Variants in KANK1 observed in about 807,000 individuals in gnomAD.
KANK1 encodes the protein KN motif and ankyrin repeat domains 1.
A neutral mutation model predicts 106.2 loss-of-function variants in KANK1; 109 were observed. That is an observed-to-expected ratio of 1.03 (90% CI 0.88 to 1.20). The LOEUF is 1.20. Among genes scored for constraint, KANK1 ranks in the 50% most tolerant of loss-of-function variants. KANK1 has a pLI of 0.00. For synonymous variants in KANK1, 873 were observed against 652.2 expected (o/e 1.34, Z -5.16); for missense variants, 2,399 against 1,710.7 (o/e 1.40, Z -7.10).
intron 1 of KANK1, among the ~76,000 whole-genome samples, chr9:518,416 A>ACTT (rs1484338841): frequency 1.3e-5 from 2 of 151,334 alleles, no homozygotes; most frequent in Non-Finnish European, 2.9e-5. Flanking sequence ...GGCAGTTTTT[A>ACTT]CTTTACCGTT....
chr9:611,051 C>G (rs1830434286), intron 1 of KANK1, among the ~76,000 whole-genome samples: 1 of 152,168 alleles, frequency 6.6e-6, no homozygotes, highest in Non-Finnish European at 1.5e-5. Flanking sequence ...CTTTATTACT[C>G]TGGCATTATT....
intron 1 of KANK1, among the ~76,000 whole-genome samples, chr9:671,301 G>A (rs530403453): frequency 6.6e-6 from 1 of 151,702 alleles, no homozygotes; most frequent in African/African-American, 2.4e-5. Context: ...TTCATATAAA[G>A]AACAAGGTTG....
At chr9:676,327 G>A (rs994688907) in intron 1 of KANK1, among the ~76,000 whole-genome samples, 2 of 152,180 alleles carry the variant, frequency 1.3e-5, no homozygotes, top group Non-Finnish European at 2.9e-5. Flanking sequence ...GGGAGATAAT[G>A]AATTTTTGTT....
chr9:655,953 G>A (rs1842048235), intron 1 of KANK1, among the ~76,000 whole-genome samples: 1 of 152,186 alleles, frequency 6.6e-6, no homozygotes, highest in African/African-American at 2.4e-5. Flanking sequence ...GGAGTTTGAG[G>A]ATCTTGCCTT....
At chr9:689,828 G>T (rs1044657080) in intron 2 of KANK1, among the ~76,000 whole-genome samples, 1 of 152,018 alleles carries the variant, frequency 6.6e-6, no homozygotes, top group Admixed American at 6.6e-5. Context: ...CTCAGCGTGG[G>T]GTAGCAGAGC....
At chr9:501,631 CA>C (rs2058554782), upstream of KANK1, among the ~76,000 whole-genome samples, 1 of 151,922 alleles carries the variant, frequency 6.6e-6, no homozygotes, top group African/African-American at 2.4e-5. Flanking sequence ...CACACACACA[CA>C]CACACACACC....
intron 1 of KANK1, among the ~76,000 whole-genome samples, chr9:637,088 A>T (rs1343058662): frequency 1.3e-5 from 2 of 152,102 alleles, no homozygotes; most frequent in Non-Finnish European, 2.9e-5. Context: ...TTTCTACTTT[A>T]TTCCACTCCT....
chr9:673,197 C>CTTT (rs1563964937), intron 1 of KANK1, among the ~76,000 whole-genome samples: 6 of 114,800 alleles, frequency 5.2e-5, no homozygotes, highest in East Asian at 2.6e-4. Context: ...GTGACAGTGT[C>CTTT]TTCTTTTTTT....
chr9:611,814 G>A (rs1032395504), intron 1 of KANK1, among the ~76,000 whole-genome samples: 2 of 152,150 alleles, frequency 1.3e-5, no homozygotes, highest in Non-Finnish European at 2.9e-5. Flanking sequence ...CGCCTCCCGG[G>A]TTCAACCGAT....
chr9:731,460 T>C (rs1231843451), intron 5 of KANK1, 194 bp downstream of exon 5: 5 of 458,086 alleles, frequency 1.1e-5, no homozygotes, highest in African/African-American at 1.0e-4. Context: ...TTTGTCACTC[T>C]CTTAAGGATA....
chr9:634,255 C>G (rs769844007), intron 1 of KANK1, among the ~76,000 whole-genome samples: 16 of 152,144 alleles, frequency 1.1e-4, no homozygotes, highest in Admixed American at 5.2e-4. Context: ...GGAATGGGTG[C>G]TGCTGATTGG....
Position 600,293 on chromosome 9 carries a change from C to CT in KANK1, c.-83-76592dup, listed in dbSNP as rs1434676365. ...ATAAGTGGAATCACACGCTGTCTGT[C>CT]TTTTTGTGGCTGGCTTATTTTACCC... On this transcript the variant is annotated intron_variant, in intron 1 of 11. Transcript: ENST00000382297. 4.6e-5 allele frequency among the ~76,000 whole-genome samples: 7 copies of CT among 151,788 alleles called. No homozygotes were observed. The East Asian group carries it at 1.2e-3, about 25-fold the overall frequency.
At chr9:689,709 A>G (rs1203391314) in intron 2 of KANK1, among the ~76,000 whole-genome samples, 1 of 149,348 alleles carries the variant, frequency 6.7e-6, no homozygotes, top group African/African-American at 2.5e-5. Flanking sequence ...TGTAGGTCTC[A>G]CACCCATCCC....
intron 3 of KANK1, among the ~76,000 whole-genome samples, chr9:718,814 T>G (rs1422684103): frequency 6.6e-6 from 1 of 152,166 alleles, no homozygotes; most frequent in East Asian, 1.9e-4. Context: ...ATATTTGTCC[T>G]TTCTCCTCTA....
intron 2 of KANK1, among the ~76,000 whole-genome samples, chr9:682,904 A>T (rs115007849): frequency 1.3e-5 from 2 of 152,072 alleles, no homozygotes; most frequent in African/African-American, 4.8e-5. Flanking sequence ...AGTGCGGTGC[A>T]CCCCACTCTC....
At chr9:663,126 C>A (rs1370922483) in intron 1 of KANK1, among the ~76,000 whole-genome samples, 1 of 152,132 alleles carries the variant, frequency 6.6e-6, no homozygotes, top group South Asian at 2.1e-4. Flanking sequence ...AGAATCCAAT[C>A]TCAGTGGAAT....
intron 1 of KANK1, among the ~76,000 whole-genome samples, chr9:524,245 C>T (rs1304839600): frequency 1.3e-5 from 2 of 151,660 alleles, no homozygotes; most frequent in African/African-American, 4.9e-5. Flanking sequence ...TACAACCCTT[C>T]CCTTCCTTTC....
At position 732,055 on chromosome 9, in the gene KANK1, G is replaced by A. The variant is rs73374879; in HGVS notation, c.3006-323G>A. 0.02 allele frequency: 3,973 copies of A among 198,854 alleles called. 169 individuals carry two copies. The highest frequency in any genetic ancestry group is 0.088 in the African/African-American group (3,727 of 42,578). The allele number at this position is 198,854 out of a possible 1,614,324, so 12.3% of individuals were successfully genotyped here. ...GATGAAATAGGAAGACATGGGGTGG[G>A]GGGGGGACAAAAAGCACCTACCGAT... On this transcript the variant is annotated intron_variant, in intron 5 of 11. Transcript: ENST00000382297.
intron 1 of KANK1, among the ~76,000 whole-genome samples, chr9:675,750 G>A (rs1399226967): frequency 1.3e-5 from 2 of 152,142 alleles, no homozygotes; most frequent in Non-Finnish European, 2.9e-5. Context: ...ATAGAGTAAA[G>A]TAAAAGCAAG....
Sources: allele counts gnomAD v4.1 joint callset (sites outside exome capture counted in the v4.1 genomes callset), GRCh38; gene constraint gnomAD v4.1.1; transcripts MANE v1.5; gene names NCBI Gene and HGNC (gene_info 2026-07-23, HGNC 2026-07-21).